Variants in CHEK2 observed in about 807,000 individuals in gnomAD.
CHEK2 encodes the protein checkpoint kinase 2.
Under a neutral mutation model 69.1 loss-of-function variants are expected in CHEK2, and 71 were observed. The ratio of observed to expected loss-of-function variants is 1.03; its 90% CI spans 0.85 to 1.25. The LOEUF is 1.25. Among genes scored for constraint, CHEK2 ranks in the 50% most tolerant of loss-of-function variants. The probability of loss-of-function intolerance (pLI) is 0.00; values close to 1 mark genes in which losing one functional copy is unlikely to be tolerated. For synonymous variants in CHEK2, 189 were observed against 226.9 expected, an observed-to-expected ratio of 0.83 and a Z score of 1.50; for missense variants, 664 against 649.6, an observed-to-expected ratio of 1.02 and a Z score of -0.24.
chr22:28,717,216 A>T (rs1164798699), intron 5 of CHEK2, among the ~76,000 whole-genome samples: 2 of 152,054 alleles, frequency 1.3e-5, no homozygotes, highest in Non-Finnish European at 2.9e-5. Context: ...ATCTCTATTA[A>T]AAATACAAAA....
At chr22:28,705,686 G>A (rs1024999796) in intron 7 of CHEK2, among the ~76,000 whole-genome samples, 3 of 152,070 alleles carry the variant, frequency 2.0e-5, no homozygotes, top group Non-Finnish European at 4.4e-5. Flanking sequence ...AGCACTTTAG[G>A]AGGCCAAGGC....
chr22:28,712,724 T>C (rs1287626969), intron 5 of CHEK2, among the ~76,000 whole-genome samples: 2 of 152,192 alleles, frequency 1.3e-5, no homozygotes, highest in Admixed American at 6.5e-5. Context: ...AATTACCCAT[T>C]ATGAAGTAGA....
chr22:28,706,252 G>C (rs2053135843), intron 7 of CHEK2, among the ~76,000 whole-genome samples: 1 of 151,402 alleles, frequency 6.6e-6, no homozygotes, highest in Non-Finnish European at 1.5e-5. Flanking sequence ...ACTAAGCCGA[G>C]ATCACACCAG....
At chr22:28,721,222 TACA>T (rs2053762300) in intron 4 of CHEK2, among the ~76,000 whole-genome samples, 1 of 152,042 alleles carries the variant, frequency 6.6e-6, no homozygotes, top group African/African-American at 2.4e-5. Context: ...AGATTTATTG[TACA>T]ACATGGTGAT....
intron 13 of CHEK2, among the ~76,000 whole-genome samples, chr22:28,693,025 CT>C (rs1170534673): frequency 2.0e-5 from 3 of 152,154 alleles, no homozygotes; most frequent in African/African-American, 7.2e-5. Context: ...AGTTAAACCT[CT>C]TTTCTTTGTA....
At position 28,709,994 on chromosome 22, in the gene CHEK2, A is replaced by G. The variant is rs1057524077; in HGVS notation, c.846+12T>C. ...AGATAAATCTAAGTATGAGTCATAT[A>G]ATAATACTTACATGATTTAGCTTTT... On this transcript the variant is annotated intron_variant, in intron 7 of 14. Coordinates refer to ENST00000404276, the MANE Select transcript of CHEK2 (RefSeq NM_007194.4). 3 of 1,381,806 alleles carry G rather than the reference A, an allele frequency of 2.2e-6. No homozygotes were observed. Among genetic ancestry groups the G allele is most frequent in the Admixed American group, 3.4e-5 (2 of 59,286 alleles). The allele number at this position is 1,381,806 out of a possible 1,614,324, so 85.6% of individuals were successfully genotyped here.
chr22:28,690,419 G>A (rs1264373658), intron 13 of CHEK2, among the ~76,000 whole-genome samples: 1 of 151,566 alleles, frequency 6.6e-6, no homozygotes, highest in African/African-American at 2.4e-5. Flanking sequence ...GCCTGAGGTC[G>A]GAAGTTTGAG....
At chr22:28,704,353 G>A (rs1026311097) in intron 7 of CHEK2, among the ~76,000 whole-genome samples, 2 of 147,954 alleles carry the variant, frequency 1.4e-5, no homozygotes, top group African/African-American at 5.0e-5. Flanking sequence ...CTTTTTTTGA[G>A]ACAGAGTCTC....
Position 28,725,102 on chromosome 22 carries a change from T to C in CHEK2, c.467A>G (p.Tyr156Cys). 6.2e-7 allele frequency: 1 copy of C among 1,614,138 alleles called. No individual in the cohort carries two copies. Among genetic ancestry groups the C allele is most frequent in the Non-Finnish European group, 8.5e-7 (1 of 1,180,020 alleles). Residue 156 changes from tyrosine to cysteine, a missense_variant, in exon 4 of 15, where the codon TAC (tyrosine) becomes TGC (cysteine). Tyr to Cys is a radical substitution (Grantham distance 194). Transcript: ENST00000404276. ...IFREVGPKNS[Y>C]IAYIEDHSGN... Reference sequence around the variant, plus strand: ...ACTGTGATCTTCTATGTATGCAATGTAAGAGTTTTTAGGACCCACTTCCTA... The same window carrying C: ...ACTGTGATCTTCTATGTATGCAATGCAAGAGTTTTTAGGACCCACTTCCTA...
intron 4 of CHEK2, among the ~76,000 whole-genome samples, chr22:28,719,900 C>CA: frequency 6.6e-6 from 1 of 152,046 alleles, no homozygotes; most frequent in Non-Finnish European, 1.5e-5. Flanking sequence ...GTAAATATCC[C>CA]AATGAAAATT....
Position 28,730,416 on chromosome 22 carries a change from A to G in CHEK2, c.319+3987T>C. 1.6e-6 allele frequency: 1 copy of G among 643,260 alleles called. No individual in the cohort carries two copies. Among genetic ancestry groups the G allele is most frequent in the African/African-American group, 1.8e-5 (1 of 55,640 alleles). 39.8% of individuals were successfully genotyped at this position (643,260 alleles called of 1,614,324 possible). A position where few individuals can be genotyped will look rare whatever the true frequency, so the allele number is the denominator to read the frequency against. On this transcript the variant is annotated intron_variant, in intron 2 of 14. Coordinates refer to ENST00000404276, the MANE Select transcript of CHEK2 (RefSeq NM_007194.4). Reference sequence around the variant, plus strand: ...AAGGGAAAGACCCACAGCTAACATCATACTTAGACTGCAAACTGGCCGGGG... The same window carrying G: ...AAGGGAAAGACCCACAGCTAACATCGTACTTAGACTGCAAACTGGCCGGGG...
chr22:28,692,013 CA>C (rs2052383472), intron 13 of CHEK2, among the ~76,000 whole-genome samples: 1 of 152,226 alleles, frequency 6.6e-6, no homozygotes, highest in Non-Finnish European at 1.5e-5. Flanking sequence ...CCTTTCACTG[CA>C]AAAACAAAAG....
At chr22:28,700,590 C>G (rs564304464) in intron 8 of CHEK2, among the ~76,000 whole-genome samples, 64 of 152,240 alleles carry the variant, frequency 4.2e-4, no homozygotes, top group African/African-American at 1.4e-3. Flanking sequence ...ATTTTACAAA[C>G]AGACAACCAG....
chr22:28,737,466 G>T, intron 1 of CHEK2: 1 of 214,006 alleles, frequency 4.7e-6, no homozygotes. Flanking sequence ...CTTATGAACT[G>T]ATTATTTCTT....
intron 5 of CHEK2, among the ~76,000 whole-genome samples, chr22:28,714,586 T>G (rs1454552100): frequency 6.6e-6 from 1 of 152,196 alleles, no homozygotes; most frequent in African/African-American, 2.4e-5. Context: ...TTCTGTTGGT[T>G]TTGTTTTCAC....
chr22:28,695,461 A>G (rs2052536104), intron 11 of CHEK2, among the ~76,000 whole-genome samples: 1 of 152,200 alleles, frequency 6.6e-6, no homozygotes, highest in Non-Finnish European at 1.5e-5. Flanking sequence ...GTTCGAGACC[A>G]GCCTGGGCAA....
chr22:28,715,512 T>C (rs1364192700), intron 5 of CHEK2, among the ~76,000 whole-genome samples: 1 of 152,108 alleles, frequency 6.6e-6, no homozygotes, highest in East Asian at 1.9e-4. Context: ...CTCCGCCTCC[T>C]GGGTTCAATC....
intron 7 of CHEK2, among the ~76,000 whole-genome samples, chr22:28,705,106 T>A (rs1424989071): frequency 7.0e-6 from 1 of 143,708 alleles, no homozygotes; most frequent in Non-Finnish European, 1.5e-5. Context: ...TGAGACGGAG[T>A]CTTGCGCTGT....
rs1601843146 is a variant in CHEK2, at chr22:28,731,262, T to G, written c.319+3141A>C. 3.3e-5 allele frequency among the ~76,000 whole-genome samples: 5 copies of G among 151,654 alleles called. No individual in the cohort carries two copies. The South Asian group carries it at 1.0e-3, about 32-fold the overall frequency. On this transcript the variant is annotated intron_variant, in intron 2 of 14. Coordinates refer to ENST00000404276, the MANE Select transcript of CHEK2 (RefSeq NM_007194.4). ...AAAAAAGGAATTAAAACTGTAAAAT[T>G]TTAAAAGAAAACATAGGTATAAATA...
Sources: allele counts gnomAD v4.1 joint callset (sites outside exome capture counted in the v4.1 genomes callset), GRCh38; gene constraint gnomAD v4.1.1; transcripts MANE v1.5; gene names NCBI Gene and HGNC (gene_info 2026-07-23, HGNC 2026-07-21).